Variants in ALPK1 observed in about 807,000 individuals in gnomAD.
The protein encoded by ALPK1 is alpha kinase 1, also known as alpha-protein kinase 1.
A neutral mutation model predicts 120.6 loss-of-function variants in ALPK1; 110 were observed. That is an observed-to-expected ratio of 0.91 (90% CI 0.78 to 1.07). ALPK1 has a LOEUF of 1.07. Among genes scored for constraint, ALPK1 ranks in the 50% least tolerant of loss-of-function variants. The pLI, the probability that ALPK1 is intolerant of heterozygous loss-of-function variation, is 0.00. For synonymous variants in ALPK1, 582 were observed against 560.3 expected, an observed-to-expected ratio of 1.04 and a Z score of -0.55; for missense variants, 1,498 against 1,483.9, an observed-to-expected ratio of 1.01 and a Z score of -0.16.
intron 2 of ALPK1, chr4:112,356,561 G>C: frequency 1.2e-6 from 1 of 813,260 alleles, no homozygotes; most frequent in Non-Finnish European, 2.2e-6. Context: ...GGGAGCAGCT[G>C]TGCATCCACC....
intron 12 of ALPK1, among the ~76,000 whole-genome samples, chr4:112,437,026 C>A (rs1421127806): frequency 6.6e-6 from 1 of 151,964 alleles, no homozygotes; most frequent in Admixed American, 6.6e-5. Flanking sequence ...ATCCTAAGGA[C>A]AGAAGGGAAA....
rs369223684 is a variant in ALPK1, at chr4:112,377,851, C to T, written c.74C>T (p.Ala25Val). 1.7e-5 allele frequency: 28 copies of T among 1,613,222 alleles called. No homozygotes were observed. The highest frequency in any genetic ancestry group is 8.3e-5 in the Admixed American group (5 of 59,958). Residue 25 changes from alanine to valine, a missense_variant, in exon 3 of 16, where the codon GCG becomes GTG. Coordinates refer to ENST00000650871, the MANE Select transcript of ALPK1 (RefSeq NM_025144.4). ...KQVLDQLLLEAPDVSEEDKSE... is the reference protein window; with the variant it reads ...KQVLDQLLLEVPDVSEEDKSE... ...GTGCTGGATCAGCTCTTGTTGGAAGCGCCAGATGTGTCGGAAGAGGACAAG... is the reference window on the plus strand; with the variant it reads ...GTGCTGGATCAGCTCTTGTTGGAAGTGCCAGATGTGTCGGAAGAGGACAAG...
Position 112,439,765 on chromosome 4 carries a change from A to T in ALPK1, c.3431A>T (p.Asn1144Ile). 1 of 1,613,714 alleles carries T rather than the reference A, an allele frequency of 6.2e-7. No homozygotes were observed. Among genetic ancestry groups the T allele is most frequent in the Non-Finnish European group, 8.5e-7 (1 of 1,179,864 alleles). ...GGAGAATTTGTAAAATTGTCAAATA[A>T]CACGAAAGTGGTGAAAACAGAATAC... is the stretch of plus-strand genomic sequence containing the variant. ...ILGEFVKLSN[N>I]TKVVKTEYKA... Residue 1144 changes from asparagine (N) to isoleucine (I), a missense_variant, in exon 14 of 16, where the codon AAC becomes ATC. Asn to Ile is a moderately radical substitution (Grantham distance 149). Transcript: ENST00000650871.
At chr4:112,360,541 A>G (rs1246779312) in intron 2 of ALPK1, among the ~76,000 whole-genome samples, 1 of 152,202 alleles carries the variant, frequency 6.6e-6, no homozygotes, top group Non-Finnish European at 1.5e-5. Flanking sequence ...AAATCTCTTC[A>G]ATACATTGTT....
chr4:112,384,467 A>G (rs12507761), intron 4 of ALPK1: 68,075 of 152,134 alleles, frequency 0.45, 15,821 homozygotes, highest in East Asian at 0.8. Flanking sequence ...ATTCATTTCT[A>G]TGTAAATAGT....
chr4:112,415,741 A>G (rs1397422349), intron 5 of ALPK1, among the ~76,000 whole-genome samples: 1 of 152,186 alleles, frequency 6.6e-6, no homozygotes, highest in African/African-American at 2.4e-5. Flanking sequence ...GTTTGTTTTT[A>G]TATAGACAGG....
rs539223292 is a variant in ALPK1, at chr4:112,335,543, G to A, written c.-101+19691G>A. ...GAACAAGCTCACTGGAATCCTGTTTGAGGGAATGTGGCAGGACAGGGACTA... is the reference window on the plus strand; with the variant it reads ...GAACAAGCTCACTGGAATCCTGTTTAAGGGAATGTGGCAGGACAGGGACTA... On this transcript the variant is annotated intron_variant, in intron 2 of 15. Coordinates refer to ENST00000650871, the MANE Select transcript of ALPK1 (RefSeq NM_025144.4). 6.6e-5 allele frequency among the ~76,000 whole-genome samples: 10 copies of A among 152,332 alleles called. No individual in the cohort carries two copies. In the South Asian group the frequency reaches 2.1e-3, roughly 32 times the overall value.
chr4:112,402,278 C>T (rs975258304), intron 4 of ALPK1, among the ~76,000 whole-genome samples: 3 of 152,194 alleles, frequency 2.0e-5, no homozygotes, highest in Non-Finnish European at 4.4e-5. Flanking sequence ...CCCAGCCCCT[C>T]CTTGAGAACA....
intron 4 of ALPK1, among the ~76,000 whole-genome samples, chr4:112,386,375 C>A (rs1732153373): frequency 6.6e-6 from 1 of 152,160 alleles, no homozygotes; most frequent in South Asian, 2.1e-4. Flanking sequence ...CCCCAAGAAA[C>A]CTGAAGAGAT....
At position 112,425,757 on chromosome 4, in the gene ALPK1, A is replaced by T. The variant is rs577907136; in HGVS notation, c.622+6A>T. The T allele has an allele frequency of 1.2e-6, 2 of 1,607,822 alleles. No homozygotes were observed. The highest frequency in any genetic ancestry group is 2.7e-5 in the African/African-American group (2 of 74,786). On this transcript the variant is annotated splice_donor_region_variant and intron_variant, in intron 7 of 15. Transcript: ENST00000650871. ...GCAGATTCTGCAAAAGCTGGGTACA[A>T]TCATGTAAAACTTGCATTTCTCAAG...
intron 1 of ALPK1, among the ~76,000 whole-genome samples, chr4:112,312,677 T>C (rs1319395994): frequency 3.3e-5 from 5 of 152,242 alleles, no homozygotes; most frequent in Non-Finnish European, 7.3e-5. Flanking sequence ...TCTGGAAACA[T>C]TGAATAGGCT....
chr4:112,332,284 A>G (rs1729416744), intron 2 of ALPK1, among the ~76,000 whole-genome samples: 1 of 152,210 alleles, frequency 6.6e-6, no homozygotes, highest in Non-Finnish European at 1.5e-5. Flanking sequence ...AAGTCCACCA[A>G]GTATTTGTGC....
At chr4:112,429,751 G>C (rs1222174648) in intron 10 of ALPK1, among the ~76,000 whole-genome samples, 1 of 148,708 alleles carries the variant, frequency 6.7e-6, no homozygotes, top group African/African-American at 2.5e-5. Context: ...GAGGTGGGAG[G>C]ATCACCTGAG....
At chr4:112,357,727 T>G in intron 2 of ALPK1, 1 of 1,478,020 alleles carries the variant, frequency 6.8e-7, no homozygotes, top group Non-Finnish European at 9.5e-7. Flanking sequence ...TTCCAAGGAG[T>G]GCTTGTCCTC....
In ALPK1 at chr4:112,439,682, T is replaced by C. The variant is rs745495012; in HGVS notation, c.3352-4T>C. 1.3e-6 allele frequency: 2 copies of C among 1,593,022 alleles called. No homozygotes were observed. Among genetic ancestry groups the C allele is most frequent in the South Asian group, 2.3e-5 (2 of 88,400 alleles). On this transcript the variant is annotated splice_region_variant and splice_polypyrimidine_tract_variant and intron_variant, in intron 13 of 15. Coordinates refer to ENST00000650871, the MANE Select transcript of ALPK1 (RefSeq NM_025144.4). ...CTGTAATGTTTCTCATTGCTATTTT[T>C]CAGATTTTAGAGGACAAGACAATAA...
Position 112,394,702 on chromosome 4 carries a change from C to G in ALPK1, c.276+12150C>G, listed in dbSNP as rs140777308. Among the ~76,000 whole-genome samples, 35 of 152,314 alleles carry G rather than the reference C, an allele frequency of 2.3e-4. No individual in the cohort carries two copies. The East Asian group carries it at 6.4e-3, about 28-fold the overall frequency. Reference sequence around the variant, plus strand: ...CAAGAAACTTTGGTTGCCACAGAATCAGGCATGCAAGTTATCCCTTTGATG... The same window carrying G: ...CAAGAAACTTTGGTTGCCACAGAATGAGGCATGCAAGTTATCCCTTTGATG... On this transcript the variant is annotated intron_variant, in intron 4 of 15. Transcript: ENST00000650871.
At chr4:112,402,273 C>T (rs905207295) in intron 4 of ALPK1, among the ~76,000 whole-genome samples, 11 of 152,072 alleles carry the variant, frequency 7.2e-5, no homozygotes, top group African/African-American at 2.4e-4. Context: ...CTTCACCCAG[C>T]CCCTCCTTGA....
At chr4:112,344,711 G>A (rs1171819825) in intron 2 of ALPK1, among the ~76,000 whole-genome samples, 1 of 152,132 alleles carries the variant, frequency 6.6e-6, no homozygotes, top group Non-Finnish European at 1.5e-5. Flanking sequence ...ATGTGACCTT[G>A]GGAAAGTTAC....
chr4:112,318,751 A>G (rs1300841950), intron 2 of ALPK1, among the ~76,000 whole-genome samples: 1 of 152,250 alleles, frequency 6.6e-6, no homozygotes. Context: ...AATGAAAAAA[A>G]TGAGTGAGAC....
Sources: allele counts gnomAD v4.1 joint callset (sites outside exome capture counted in the v4.1 genomes callset), GRCh38; gene constraint gnomAD v4.1.1; transcripts MANE v1.5; gene names NCBI Gene and HGNC (gene_info 2026-07-23, HGNC 2026-07-21).